Variants in ARHGAP28 observed in about 807,000 individuals in gnomAD.
ARHGAP28 encodes the protein Rho GTPase activating protein 28, also known as rho GTPase-activating protein 28.
Under a neutral mutation model 90.7 loss-of-function variants are expected in ARHGAP28, and 56 were observed. The observed-to-expected ratio is 0.62, with a 90% confidence interval of 0.50 to 0.77. ARHGAP28 has a LOEUF of 0.77. Among genes scored for constraint, ARHGAP28 ranks in the 30% least tolerant of loss-of-function variants. ARHGAP28 has a pLI of 0.00. For synonymous variants in ARHGAP28, 308 were observed against 323.3 expected (o/e 0.95, Z 0.51); for missense variants, 869 against 900.9 (o/e 0.96, Z 0.45).
chr18:6,898,590 C>T lies in ARHGAP28; in HGVS notation c.2030+1964C>T, dbSNP rs112800887. 396 of 1,597,256 alleles carry T rather than the reference C, an allele frequency of 2.5e-4. 4 individuals carry two copies. The African/African-American group carries it at 4.3e-3, about 17-fold the overall frequency. The stretch of plus-strand genomic sequence containing the variant: ...CTCCACATAGGCAGTCATATAGAGA[C>T]TTGAAATATCATTCAAGGGATTTGG... On this transcript the variant is annotated intron_variant, in intron 16 of 17. Transcript: ENST00000383472.
intron 3 of ARHGAP28, among the ~76,000 whole-genome samples, chr18:6,848,244 A>G (rs1051926941): frequency 6.6e-6 from 1 of 152,182 alleles, no homozygotes; most frequent in African/African-American, 2.4e-5. Flanking sequence ...TGGGGAGAGT[A>G]TGTCAGCCCT....
At chr18:6,907,466 G>C (rs749993288) in intron 16 of ARHGAP28, among the ~76,000 whole-genome samples, 15 of 151,746 alleles carry the variant, frequency 9.9e-5, no homozygotes, top group Non-Finnish European at 2.1e-4. Context: ...CTATACCATG[G>C]AATACTACTC....
intron 1 of ARHGAP28, among the ~76,000 whole-genome samples, chr18:6,766,829 AC>A (rs1175719655): frequency 6.6e-6 from 1 of 152,152 alleles, no homozygotes; most frequent in African/African-American, 2.4e-5. Flanking sequence ...TTCATGCAGG[AC>A]CCAAGCTGCC....
At chr18:6,744,801 C>CTT (rs1213072554) in intron 1 of ARHGAP28, among the ~76,000 whole-genome samples, 1 of 152,028 alleles carries the variant, frequency 6.6e-6, no homozygotes, top group African/African-American at 2.4e-5. Context: ...GAATTGGCAA[C>CTT]TTAATTAATA....
At chr18:6,898,682 T>C in intron 16 of ARHGAP28, 3 of 1,423,444 alleles carry the variant, frequency 2.1e-6, no homozygotes, top group Non-Finnish European at 2.8e-6. Context: ...AGACCTTTCG[T>C]AGAAAGAAAA....
rs538945378 is a variant in ARHGAP28, at chr18:6,767,808, T to C, written c.122+37865T>C. 1.4e-3 allele frequency among the ~76,000 whole-genome samples: 212 copies of C among 152,350 alleles called. 1 individual carries two copies. The highest frequency in any genetic ancestry group is 4.8e-3 in the African/African-American group (198 of 41,576). ...TATGCCTGTCTGTGGTTTTGTGTTATCTTTCTTCGAGTTCACTGAGTTTCT... is the reference window on the plus strand; with the variant it reads ...TATGCCTGTCTGTGGTTTTGTGTTACCTTTCTTCGAGTTCACTGAGTTTCT... On this transcript the variant is annotated intron_variant, in intron 1 of 17. Transcript: ENST00000383472.
At chr18:6,807,809 C>G (rs751038191) in intron 1 of ARHGAP28, among the ~76,000 whole-genome samples, 1 of 152,186 alleles carries the variant, frequency 6.6e-6, no homozygotes, top group Non-Finnish European at 1.5e-5. Flanking sequence ...CACCAGTATC[C>G]TGTTATGTGA....
intron 1 of ARHGAP28, among the ~76,000 whole-genome samples, chr18:6,732,002 C>T (rs1338399955): frequency 3.3e-5 from 5 of 151,942 alleles, no homozygotes; most frequent in East Asian, 1.9e-4. Context: ...TTTGTATCTG[C>T]GTTATTTTTT....
chr18:6,820,574 A>T (rs1236574345), intron 1 of ARHGAP28, among the ~76,000 whole-genome samples: 1 of 152,192 alleles, frequency 6.6e-6, no homozygotes, highest in African/African-American at 2.4e-5. Context: ...AGTAAACCTC[A>T]ATCAGAATTG....
At chr18:6,740,131 G>A (rs1472368123) in intron 1 of ARHGAP28, among the ~76,000 whole-genome samples, 2 of 152,202 alleles carry the variant, frequency 1.3e-5, no homozygotes, top group Admixed American at 6.5e-5. Flanking sequence ...TGGGATTACA[G>A]GCATGAGCCA....
At chr18:6,757,391 G>A (rs1163049524) in intron 1 of ARHGAP28, among the ~76,000 whole-genome samples, 2 of 152,160 alleles carry the variant, frequency 1.3e-5, no homozygotes. Context: ...AGAAAGATGG[G>A]TCAGAGGCAG....
intron 16 of ARHGAP28, chr18:6,898,793 C>A (rs1567987456): frequency 8.2e-7 from 1 of 1,212,428 alleles, no homozygotes; most frequent in Non-Finnish European, 1.0e-6. Context: ...AATGGAAAAC[C>A]AAACATCATA....
intron 1 of ARHGAP28, among the ~76,000 whole-genome samples, chr18:6,813,403 AC>A (rs1490701340): frequency 2.0e-5 from 3 of 152,168 alleles, no homozygotes; most frequent in African/African-American, 7.2e-5. Flanking sequence ...GGTCTGCTAC[AC>A]CTGCCAATTT....
chr18:6,854,268 G>A (rs2056934699), intron 4 of ARHGAP28, among the ~76,000 whole-genome samples: 1 of 151,502 alleles, frequency 6.6e-6, no homozygotes, highest in South Asian at 2.1e-4. Context: ...TTAGTTGCCT[G>A]GACCTCATTC....
chr18:6,848,901 C>G (rs1477110702), intron 3 of ARHGAP28, among the ~76,000 whole-genome samples: 2 of 152,128 alleles, frequency 1.3e-5, no homozygotes, highest in Non-Finnish European at 2.9e-5. Flanking sequence ...TATTCTCTCA[C>G]TTGGCTTTCA....
intron 1 of ARHGAP28, among the ~76,000 whole-genome samples, chr18:6,769,630 A>G (rs140692858): frequency 2.2e-4 from 33 of 152,322 alleles, no homozygotes; most frequent in African/African-American, 7.9e-4. Flanking sequence ...GCTCAAGATC[A>G]TGCACCTATG....
intron 1 of ARHGAP28, among the ~76,000 whole-genome samples, chr18:6,806,292 G>A (rs2056518642): frequency 6.6e-6 from 1 of 151,976 alleles, no homozygotes; most frequent in Admixed American, 6.6e-5. Context: ...TTATTTTAGT[G>A]ATTCCTTTAA....
At chr18:6,862,320 T>C (rs1004922546) in intron 5 of ARHGAP28, among the ~76,000 whole-genome samples, 6 of 152,100 alleles carry the variant, frequency 3.9e-5, no homozygotes, top group African/African-American at 1.4e-4. Flanking sequence ...AATAAACCTC[T>C]CCTGCCAGGC....
intron 9 of ARHGAP28, 55 bp downstream of exon 9, chr18:6,873,830 G>C (rs944161025): frequency 6.9e-7 from 1 of 1,458,418 alleles, no homozygotes; most frequent in Non-Finnish European, 9.5e-7. Flanking sequence ...TTATGATTTG[G>C]CACTTTGTAA....
Sources: allele counts gnomAD v4.1 joint callset (sites outside exome capture counted in the v4.1 genomes callset), GRCh38; gene constraint gnomAD v4.1.1; transcripts MANE v1.5; gene names NCBI Gene and HGNC (gene_info 2026-07-23, HGNC 2026-07-21).